Variants in SLC35G1 observed in about 807,000 individuals in gnomAD.
The protein encoded by SLC35G1 is solute carrier family 35 member G1.
SLC35G1 carries 10 observed loss-of-function variants against 17.1 expected under a neutral mutation model. That is an observed-to-expected ratio of 0.59 (90% CI 0.36 to 0.99). The LOEUF is 0.99. Among genes scored for constraint, SLC35G1 ranks in the 50% least tolerant of loss-of-function variants. The probability of loss-of-function intolerance (pLI) is 0.01; values close to 1 mark genes in which losing one functional copy is unlikely to be tolerated. For synonymous variants in SLC35G1, 185 were observed against 181.1 expected, an observed-to-expected ratio of 1.02 and a Z score of -0.18; for missense variants, 433 against 468.4, an observed-to-expected ratio of 0.92 and a Z score of 0.70.
chr10:93,900,655 A>G, intron 2 of SLC35G1, 97 bp from the exon 3 acceptor site: 2 of 980,788 alleles, frequency 2.0e-6, no homozygotes, highest in Non-Finnish European at 2.9e-6. Context: ...TCATTTTTTG[A>G]TATTTAGTAC....
intron 1 of SLC35G1, among the ~76,000 whole-genome samples, chr10:93,895,539 C>T (rs1046027498): frequency 6.6e-6 from 1 of 152,136 alleles, no homozygotes; most frequent in Non-Finnish European, 1.5e-5. Flanking sequence ...GAGAAACTTA[C>T]GTGAGTGTAT....
At position 93,894,174 on chromosome 10, in the gene SLC35G1, C is replaced by T; in HGVS notation, c.141C>T (p.Leu47=). The change falls in exon 1 of 3, where the codon CTC becomes CTT. Residue 47 remains leucine, a synonymous_variant. Coordinates refer to ENST00000427197, the MANE Select transcript of SLC35G1 (RefSeq NM_001134658.3). ...AGAPDRGRCW[L]CLSSPCCSRT... ...CGCCAGACCGCGGTAGGTGCTGGCT[C>T]TGCCTTTCCTCGCCGTGTTGCTCCC... is the stretch of plus-strand genomic sequence containing the variant. 6.8e-7 allele frequency: 1 copy of T among 1,460,484 alleles called. No individual in the cohort carries two copies. Among genetic ancestry groups the T allele is most frequent in the Admixed American group, 2.5e-5 (1 of 39,358 alleles). 90.5% of individuals were successfully genotyped at this position (1,460,484 alleles called of 1,614,324 possible). A position where few individuals can be genotyped will look rare whatever the true frequency, so the allele number is the denominator to read the frequency against.
Position 93,900,926 on chromosome 10 carries a change from C to T in SLC35G1, c.534C>T (p.Leu178=). The part of the protein sequence containing the change: ...VFTSIFAWIC[L]KEKYSPWDAL... Reference sequence around the variant, plus strand: ...CGTCCATATTTGCTTGGATATGTCTCAAGGAAAAATATAGCCCTTGGGATG... The same window carrying T: ...CGTCCATATTTGCTTGGATATGTCTTAAGGAAAAATATAGCCCTTGGGATG... Residue 178 remains leucine, a synonymous_variant, in exon 3 of 3, where the codon CTC becomes CTT. Transcript: ENST00000427197. 1 of 1,614,054 alleles carries T rather than the reference C, an allele frequency of 6.2e-7. No homozygotes were observed. Among genetic ancestry groups the T allele is most frequent in the Non-Finnish European group, 8.5e-7 (1 of 1,179,980 alleles).
chr10:93,904,800 T>A (rs900820998), downstream of SLC35G1, among the ~76,000 whole-genome samples: 13 of 152,192 alleles, frequency 8.5e-5, no homozygotes, highest in African/African-American at 3.1e-4. Context: ...TTAAGAAGGA[T>A]GAAAACATTA....
At chr10:93,900,664 A>T in intron 2 of SLC35G1, 88 bp from the exon 3 acceptor site, 3 of 1,083,950 alleles carry the variant, frequency 2.8e-6, no homozygotes, top group African/African-American at 1.6e-5. Flanking sequence ...GATATTTAGT[A>T]CTTTTAAAAT....
downstream of SLC35G1, chr10:93,907,120 T>C (rs565256085): frequency 6.6e-6 from 1 of 152,340 alleles, no homozygotes; most frequent in East Asian, 1.9e-4. Context: ...GGCTCACACC[T>C]GTAATCCCAG....
chr10:93,906,046 A>G (rs775233145), downstream of SLC35G1, among the ~76,000 whole-genome samples: 1 of 152,194 alleles, frequency 6.6e-6, no homozygotes, highest in Non-Finnish European at 1.5e-5. Flanking sequence ...CCGCTGTTCC[A>G]AGTATACTTG....
chr10:93,907,325 A>C (rs945409347), downstream of SLC35G1: 2 of 152,194 alleles, frequency 1.3e-5, no homozygotes, highest in African/African-American at 2.4e-5. Context: ...ACTTTGCAGC[A>C]TGTGTGCATT....
chr10:93,898,653 AT>A lies in SLC35G1; in HGVS notation c.264del (p.Phe88LeufsTer11). 6.2e-7 allele frequency: 1 copy of A among 1,613,924 alleles called. No homozygotes were observed. The highest frequency in any genetic ancestry group is 8.5e-7 in the Non-Finnish European group (1 of 1,179,922). ...SAFLFSVGSL[F>X]VKKVQDVHAV... ...CCTTCCTTTTCTCAGTGGGCTCTTT[AT>A]TTGTTAAAAAAGTGCAAGACGTCCA... is the stretch of plus-strand genomic sequence containing the variant. On this transcript the variant is annotated frameshift_variant, in exon 2 of 3. Coordinates refer to ENST00000427197, the MANE Select transcript of SLC35G1 (RefSeq NM_001134658.3). LOFTEE classifies it high-confidence loss of function.
chr10:93,898,893 C>A, intron 2 of SLC35G1, 142 bp downstream of exon 2: 1 of 754,962 alleles, frequency 1.3e-6, no homozygotes, highest in Non-Finnish European at 2.0e-6. Context: ...AATGAAAAGT[C>A]ATAAGCATCT....
rs568467274 is a variant in SLC35G1, at chr10:93,903,665, G to A, written c.*2175G>A. Reference sequence around the variant, plus strand: ...ATGTTTCTTCTAGCCCTTACAGGGTGTGATTCTTAAACACAATGTCCAAGG... The same window carrying A: ...ATGTTTCTTCTAGCCCTTACAGGGTATGATTCTTAAACACAATGTCCAAGG... On this transcript the variant is annotated 3_prime_UTR_variant, in exon 3 of 3. Coordinates refer to ENST00000427197, the MANE Select transcript of SLC35G1 (RefSeq NM_001134658.3). 1 of 152,336 alleles carries A rather than the reference G, an allele frequency of 6.6e-6. No homozygotes were observed. The highest frequency in any genetic ancestry group is 2.4e-5 in the African/African-American group (1 of 41,568). The allele number at this position is 152,336 out of a possible 1,614,324, so 9.4% of individuals were successfully genotyped here. A position where few individuals can be genotyped will look rare whatever the true frequency, so the allele number is the denominator to read the frequency against.
rs189335352 is a variant in SLC35G1 at position 93,898,266 on chromosome 10, C to T, written c.179-305C>T. 4.0e-3 allele frequency among the ~76,000 whole-genome samples: 610 copies of T among 152,328 alleles called. 1 individual carries two copies. Among genetic ancestry groups the T allele is most frequent in the Middle Eastern group, 0.02 (6 of 294 alleles). On this transcript the variant is annotated intron_variant, in intron 1 of 2. Coordinates refer to ENST00000427197, the MANE Select transcript of SLC35G1 (RefSeq NM_001134658.3). ...CTTGACAAGTGTTTCTTAAAGATTT[C>T]TCTCACCATCTTGGCAAGCGTTCTA...
At chr10:93,905,325 G>C (rs922311452), downstream of SLC35G1, among the ~76,000 whole-genome samples, 1 of 152,034 alleles carries the variant, frequency 6.6e-6, no homozygotes, top group African/African-American at 2.4e-5. Flanking sequence ...TTAGAATTTG[G>C]TTATATGGGT....
rs762833011 is a variant in SLC35G1 at position 93,901,114 on chromosome 10, T to C, written c.722T>C (p.Ile241Thr). The change falls in exon 3 of 3, where the codon ATC becomes ACC. Residue 241 changes from isoleucine (I) to threonine (T), a missense_variant. By Grantham distance (89) the Ile-to-Thr change is moderately conservative. Coordinates refer to ENST00000427197, the MANE Select transcript of SLC35G1 (RefSeq NM_001134658.3). ...SAVFAASTLV[I>T]LRKMGKSVDY... ...GTATTTGCTGCATCGACTCTAGTTATCCTAAGAAAAATGGGAAAATCTGTG... is the reference window on the plus strand; with the variant it reads ...GTATTTGCTGCATCGACTCTAGTTACCCTAAGAAAAATGGGAAAATCTGTG... 2 of 1,614,092 alleles carry C rather than the reference T, an allele frequency of 1.2e-6. No homozygotes were observed. The highest frequency in any genetic ancestry group is 1.7e-6 in the Non-Finnish European group (2 of 1,179,944).
At chr10:93,894,347 C>T in intron 1 of SLC35G1, 136 bp downstream of exon 1, 1 of 875,722 alleles carries the variant, frequency 1.1e-6, no homozygotes, top group Non-Finnish European at 1.6e-6. Context: ...TCGGGAAACC[C>T]CTCGAGCTGT....
rs1302030434 is a variant in SLC35G1 at position 93,901,671 on chromosome 10, C to T, written c.*181C>T. 1 of 661,162 alleles carries T rather than the reference C, an allele frequency of 1.5e-6. No individual in the cohort carries two copies. Among genetic ancestry groups the T allele is most frequent in the Admixed American group, 4.1e-5 (1 of 24,308 alleles). The allele number at this position is 661,162 out of a possible 1,614,324, so 41.0% of individuals were successfully genotyped here. A position where few individuals can be genotyped will look rare whatever the true frequency, so the allele number is the denominator to read the frequency against. On this transcript the variant is annotated 3_prime_UTR_variant, in exon 3 of 3. Transcript: ENST00000427197. ...AGAATAGCTAGTCTGTTTGGTGTAACAATTTTTTGGTAGCTTTGGTTTTGG... is the reference window on the plus strand; with the variant it reads ...AGAATAGCTAGTCTGTTTGGTGTAATAATTTTTTGGTAGCTTTGGTTTTGG...
intron 1 of SLC35G1, among the ~76,000 whole-genome samples, chr10:93,895,201 G>GCTTTCCCCTCCTCCCTTTGTGCA (rs1422298438): frequency 5.9e-5 from 9 of 152,246 alleles, no homozygotes; most frequent in African/African-American, 2.2e-4. Flanking sequence ...CTCTCACTGC[G>GCTTTCCCCTCCTCCCTTTGTGCA]CTTTCCCCTC....
chr10:93,904,135 A>G (rs540105446), downstream of SLC35G1, among the ~76,000 whole-genome samples: 1 of 152,244 alleles, frequency 6.6e-6, no homozygotes, highest in Admixed American at 6.5e-5. Flanking sequence ...TAAATCCTGA[A>G]GAGTCTTTCT....
In SLC35G1 at chr10:93,901,116, C is replaced by T; in HGVS notation, c.724C>T (p.Leu242=). ...ATTTGCTGCATCGACTCTAGTTATCCTAAGAAAAATGGGAAAATCTGTGGA... is the reference window on the plus strand; with the variant it reads ...ATTTGCTGCATCGACTCTAGTTATCTTAAGAAAAATGGGAAAATCTGTGGA... The part of the protein sequence containing the change: ...AVFAASTLVI[L]RKMGKSVDYF... Residue 242 remains leucine, a synonymous_variant, in exon 3 of 3, where the codon CTA becomes TTA. Transcript: ENST00000427197. 6.2e-7 allele frequency: 1 copy of T among 1,614,012 alleles called. No homozygotes were observed. The highest frequency in any genetic ancestry group is 8.5e-7 in the Non-Finnish European group (1 of 1,179,936).
Sources: allele counts gnomAD v4.1 joint callset (sites outside exome capture counted in the v4.1 genomes callset), GRCh38; gene constraint gnomAD v4.1.1; transcripts MANE v1.5; gene names NCBI Gene and HGNC (gene_info 2026-07-23, HGNC 2026-07-21).